Variants in CWF19L2 observed in about 807,000 individuals in gnomAD.
The protein encoded by CWF19L2 is CWF19-like protein 2.
Under a neutral mutation model 111.7 loss-of-function variants are expected in CWF19L2, and 98 were observed. The ratio of observed to expected loss-of-function variants is 0.88; its 90% confidence interval spans 0.75 to 1.04. The LOEUF (loss-of-function observed/expected upper bound fraction) is 1.04. Ranked by LOEUF, CWF19L2 falls within the 50% of genes least tolerant of loss-of-function variation. CWF19L2 has a pLI of 0.00. For synonymous variants in CWF19L2, 351 were observed against 342.9 expected (o/e 1.02, Z -0.26); for missense variants, 1,101 against 1,051.4 (o/e 1.05, Z -0.65).
At chr11:107,387,286 C>T (rs1384017952) in intron 12 of CWF19L2, among the ~76,000 whole-genome samples, 1 of 152,030 alleles carries the variant, frequency 6.6e-6, no homozygotes, top group Admixed American at 6.6e-5. Context: ...ACCAGTTTTA[C>T]CACTGTAATC....
At chr11:107,447,048 T>C (rs1365417297) in intron 3 of CWF19L2, among the ~76,000 whole-genome samples, 1 of 152,156 alleles carries the variant, frequency 6.6e-6, no homozygotes, top group African/African-American at 2.4e-5. Context: ...GACAGAAAAG[T>C]GCTACCAGCA....
intron 5 of CWF19L2, among the ~76,000 whole-genome samples, chr11:107,439,475 T>C (rs1861589873): frequency 6.6e-6 from 1 of 152,062 alleles, no homozygotes; most frequent in Non-Finnish European, 1.5e-5. Flanking sequence ...ACACAGACAA[T>C]AAAAACAGAC....
At chr11:107,387,288 A>G (rs1860781621) in intron 12 of CWF19L2, among the ~76,000 whole-genome samples, 1 of 151,954 alleles carries the variant, frequency 6.6e-6, no homozygotes, top group Admixed American at 6.6e-5. Flanking sequence ...CAGTTTTACC[A>G]CTGTAATCCA....
chr11:107,452,933 T>C (rs1339340477), intron 3 of CWF19L2, among the ~76,000 whole-genome samples: 1 of 152,124 alleles, frequency 6.6e-6, no homozygotes. Context: ...GCCATGATGG[T>C]GCCACTGCAC....
At chr11:107,394,966 T>C (rs1432094087) in intron 10 of CWF19L2, among the ~76,000 whole-genome samples, 1 of 152,162 alleles carries the variant, frequency 6.6e-6, no homozygotes, top group Non-Finnish European at 1.5e-5. Context: ...GTCCAATAAT[T>C]ACTAGACATT....
chr11:107,328,851 A>G (rs1437259412), intron 17 of CWF19L2, among the ~76,000 whole-genome samples: 1 of 152,186 alleles, frequency 6.6e-6, no homozygotes, highest in Non-Finnish European at 1.5e-5. Context: ...GTTAAAAAAA[A>G]TTCTGAACAC....
At position 107,414,058 on chromosome 11, in the gene CWF19L2, C is replaced by T. The variant is rs370034092; in HGVS notation, c.1617+2151G>A. 2.8e-4 allele frequency among the ~76,000 whole-genome samples: 43 copies of T among 152,290 alleles called. 1 individual carries two copies. The East Asian group carries it at 7.5e-3, about 27-fold the overall frequency. On this transcript the variant is annotated intron_variant, in intron 10 of 17. Transcript: ENST00000282251. ...ACCAGTTGTATACCTGGACAAGTTA[C>T]TTAGCCCTCTGTGCCTCAGTTTCTT...
chr11:107,345,490 T>G, intron 14 of CWF19L2: 1 of 462,184 alleles, frequency 2.2e-6, no homozygotes, highest in South Asian at 1.6e-5. Flanking sequence ...CTAGATTTTA[T>G]CTGGAGAATA....
At chr11:107,412,547 G>T (rs1469905399) in intron 10 of CWF19L2, among the ~76,000 whole-genome samples, 1 of 152,112 alleles carries the variant, frequency 6.6e-6, no homozygotes, top group Non-Finnish European at 1.5e-5. Context: ...TGCCATGTTG[G>T]CCAGGCTAGT....
chr11:107,384,598 T>C (rs969786583), intron 12 of CWF19L2, among the ~76,000 whole-genome samples: 6 of 152,212 alleles, frequency 3.9e-5, no homozygotes, highest in Admixed American at 3.3e-4. Flanking sequence ...AGTCCAGGGA[T>C]TGAAAAACTA....
intron 12 of CWF19L2, among the ~76,000 whole-genome samples, chr11:107,371,362 C>A (rs11212191): frequency 0.048 from 6,557 of 137,342 alleles, 1,313 homozygotes; most frequent in East Asian, 0.13. Flanking sequence ...GTAAAAAATC[C>A]TAATTCCTAC....
intron 10 of CWF19L2, among the ~76,000 whole-genome samples, 168 bp downstream of exon 10, chr11:107,416,041 G>A (rs1020362918): frequency 6.6e-6 from 1 of 151,994 alleles, no homozygotes; most frequent in South Asian, 2.1e-4. Flanking sequence ...AGGTTGCAGT[G>A]AGCCAAGATC....
chr11:107,327,914 C>T (rs1859786216), intron 17 of CWF19L2, among the ~76,000 whole-genome samples: 1 of 152,118 alleles, frequency 6.6e-6, no homozygotes, highest in Non-Finnish European at 1.5e-5. Context: ...GCACAAACCA[C>T]ATAATCTTTC....
chr11:107,331,233 A>G (rs181132260), intron 16 of CWF19L2, among the ~76,000 whole-genome samples: 13 of 152,368 alleles, frequency 8.5e-5, no homozygotes, highest in Non-Finnish European at 1.6e-4. Context: ...TCTGATTCTT[A>G]TAAGTGTGTT....
chr11:107,444,967 C>T (rs983117232), intron 3 of CWF19L2, among the ~76,000 whole-genome samples: 1 of 152,300 alleles, frequency 6.6e-6, no homozygotes, highest in African/African-American at 2.4e-5. Flanking sequence ...TCAACCTGAG[C>T]CATTCCACAG....
chr11:107,347,938 A>G (rs1420208149), intron 14 of CWF19L2, among the ~76,000 whole-genome samples: 1 of 152,160 alleles, frequency 6.6e-6, no homozygotes, highest in Non-Finnish European at 1.5e-5. Flanking sequence ...GGCTTCCTGG[A>G]AATGTTCTAA....
chr11:107,361,456 A>C (rs1860334707), intron 12 of CWF19L2, among the ~76,000 whole-genome samples: 2 of 152,058 alleles, frequency 1.3e-5, no homozygotes, highest in Admixed American at 6.6e-5. Context: ...TTGGCTATTA[A>C]GGCTCTTTTT....
intron 11 of CWF19L2, among the ~76,000 whole-genome samples, chr11:107,391,917 A>G (rs1337356995): frequency 6.6e-6 from 1 of 152,154 alleles, no homozygotes; most frequent in Non-Finnish European, 1.5e-5. Context: ...CTTTACTCCT[A>G]TACCTAGATT....
At chr11:107,392,636 G>A (rs1860865079) in intron 11 of CWF19L2, 143 bp downstream of exon 11, 7 of 528,264 alleles carry the variant, frequency 1.3e-5, no homozygotes, top group Non-Finnish European at 2.3e-5. Context: ...AAGAATAAAA[G>A]TAGTAACAAC....
Sources: allele counts gnomAD v4.1 joint callset (sites outside exome capture counted in the v4.1 genomes callset), GRCh38; gene constraint gnomAD v4.1.1; transcripts MANE v1.5; gene names NCBI Gene and HGNC (gene_info 2026-07-23, HGNC 2026-07-21).